The following PPM1H variants were observed in gnomAD, a reference collection of about 807,000 sequenced individuals.
PPM1H encodes the protein protein phosphatase, Mg2+/Mn2+ dependent 1H.
PPM1H carries 27 observed loss-of-function variants against 54.9 expected under a neutral mutation model. The ratio of observed to expected loss-of-function variants is 0.49; its 90% CI spans 0.36 to 0.68. The LOEUF is 0.68. Among genes scored for constraint, PPM1H ranks in the 30% least tolerant of loss-of-function variants. The probability of loss-of-function intolerance (pLI) is 0.00; values close to 1 mark genes in which losing one functional copy is unlikely to be tolerated. For synonymous variants in PPM1H, 305 were observed against 270.8 expected (o/e 1.13, Z -1.24); for missense variants, 596 against 667.8 (o/e 0.89, Z 1.19).
At chr12:62,764,851 A>G (rs755312991) in intron 4 of PPM1H, among the ~76,000 whole-genome samples, 13 of 152,176 alleles carry the variant, frequency 8.5e-5, no homozygotes, top group Non-Finnish European at 1.6e-4. Flanking sequence ...GGAGGGAGAG[A>G]AGTTCAGGTA....
At chr12:62,841,892 GT>G (rs1007496678) in intron 1 of PPM1H, among the ~76,000 whole-genome samples, 4 of 152,114 alleles carry the variant, frequency 2.6e-5, no homozygotes, top group African/African-American at 9.7e-5. Context: ...CTTCATATTG[GT>G]TGTTTAGAAA....
chr12:62,663,632 A>G (rs936438530), intron 9 of PPM1H, among the ~76,000 whole-genome samples: 1 of 152,198 alleles, frequency 6.6e-6, no homozygotes, highest in African/African-American at 2.4e-5. Flanking sequence ...TATGGTTATA[A>G]TTGTACTGAT....
In PPM1H at chr12:62,647,069, C is replaced by T. The variant is rs773867041; in HGVS notation, c.*1420G>A. On this transcript the variant is annotated 3_prime_UTR_variant, in exon 10 of 10. Coordinates refer to ENST00000228705, the MANE Select transcript of PPM1H (RefSeq NM_020700.2). ...GAAGAAGACTAGGTAATTTTGTGGC[C>T]GTACAAGTCTGCCTAAGAGACAGAA... 3.9e-5 allele frequency: 6 copies of T among 152,084 alleles called. No individual in the cohort carries two copies. The highest frequency in any genetic ancestry group is 2.1e-4 in the South Asian group (1 of 4,822). The allele number at this position is 152,084 out of a possible 1,614,324, so 9.4% of individuals were successfully genotyped here. A position where few individuals can be genotyped will look rare whatever the true frequency, so the allele number is the denominator to read the frequency against.
At chr12:62,924,039 T>C (rs1161826036) in intron 1 of PPM1H, among the ~76,000 whole-genome samples, 2 of 152,252 alleles carry the variant, frequency 1.3e-5, no homozygotes, top group African/African-American at 2.4e-5. Flanking sequence ...ACACTGGTGA[T>C]GGTAGATGAC....
In PPM1H at chr12:62,934,554, G is replaced by A. The variant is rs1399184619; in HGVS notation, c.183C>T (p.Ile61=). The part of the protein sequence containing the change: ...QDEVECSADH[I]ARPILILKET... The stretch of plus-strand genomic sequence containing the variant: ...CCTTGAGGATGAGGATGGGGCGGGC[G>A]ATGTGGTCGGCGCTGCACTCCACCT... The change falls in exon 1 of 10, where the codon ATC becomes ATT. Residue 61 remains isoleucine (I), a synonymous_variant. Coordinates refer to ENST00000228705, the MANE Select transcript of PPM1H (RefSeq NM_020700.2). This position sits in a 1 kb window ranked among gnomAD's most constrained non-coding sequence, Gnocchi z 4.2. The A allele has an allele frequency of 6.4e-7, 1 of 1,553,072 alleles. No individual in the cohort carries two copies. Among genetic ancestry groups the A allele is most frequent in the Admixed American group, 2.0e-5 (1 of 51,264 alleles).
At chr12:62,756,659 A>G (rs1366283844) in intron 4 of PPM1H, among the ~76,000 whole-genome samples, 1 of 152,030 alleles carries the variant, frequency 6.6e-6, no homozygotes, top group Non-Finnish European at 1.5e-5. Context: ...GTGGTCCTGA[A>G]AAGGTGAAGA....
chr12:62,770,650 C>G (rs1472255933), intron 4 of PPM1H, among the ~76,000 whole-genome samples: 2 of 151,892 alleles, frequency 1.3e-5, no homozygotes, highest in Non-Finnish European at 2.9e-5. Flanking sequence ...CCTGCCAGCT[C>G]AGAATCACAA....
At chr12:62,685,195 CACA>C (rs559612196) in intron 8 of PPM1H, among the ~76,000 whole-genome samples, 16 of 152,184 alleles carry the variant, frequency 1.1e-4, no homozygotes, top group Non-Finnish European at 1.8e-4. Context: ...GGTTTGCACA[CACA>C]ACAAAGGCCA....
At chr12:62,699,827 G>A (rs941230306) in intron 6 of PPM1H, among the ~76,000 whole-genome samples, 1 of 152,134 alleles carries the variant, frequency 6.6e-6, no homozygotes, top group East Asian at 1.9e-4. Flanking sequence ...TATGCATACA[G>A]TATTCACCCA....
intron 1 of PPM1H, among the ~76,000 whole-genome samples, chr12:62,855,667 A>G (rs1869357913): frequency 6.6e-6 from 1 of 152,168 alleles, no homozygotes. Context: ...AGACTTTTTC[A>G]TCTAAAGCAC....
intron 5 of PPM1H, among the ~76,000 whole-genome samples, chr12:62,732,794 C>G (rs2076330100): frequency 6.6e-6 from 1 of 151,736 alleles, no homozygotes; most frequent in African/African-American, 2.4e-5. Context: ...GGATGGGGAC[C>G]CAGAAGTTTT....
At chr12:62,810,678 G>A (rs958313399) in intron 2 of PPM1H, among the ~76,000 whole-genome samples, 1 of 152,192 alleles carries the variant, frequency 6.6e-6, no homozygotes, top group Non-Finnish European at 1.5e-5. Flanking sequence ...ATTCTCAAAT[G>A]AGTTAAAACA....
chr12:62,847,959 G>C (rs1297001339), intron 1 of PPM1H, among the ~76,000 whole-genome samples: 1 of 152,114 alleles, frequency 6.6e-6, no homozygotes. Flanking sequence ...TTTTAATCTA[G>C]AGATTAAAAT....
At chr12:62,770,391 A>G (rs1306945213) in intron 4 of PPM1H, among the ~76,000 whole-genome samples, 1 of 152,184 alleles carries the variant, frequency 6.6e-6, no homozygotes, top group Non-Finnish European at 1.5e-5. Flanking sequence ...AAGTCACAGA[A>G]GCCAGGACCT....
chr12:62,869,241 A>G (rs749750960), intron 1 of PPM1H, among the ~76,000 whole-genome samples: 8 of 152,178 alleles, frequency 5.3e-5, no homozygotes, highest in Non-Finnish European at 7.4e-5. Context: ...TCATTTATTT[A>G]TGTATTACAA....
chr12:62,838,952 GAATA>G (rs1868615848), intron 1 of PPM1H, among the ~76,000 whole-genome samples: 1 of 88,714 alleles, frequency 1.1e-5, no homozygotes, highest in Non-Finnish European at 2.4e-5. Context: ...AAAAAAAAAA[GAATA>G]ATAGCTTCTC....
chr12:62,761,610 C>T (rs2076509752), intron 4 of PPM1H, among the ~76,000 whole-genome samples: 1 of 152,162 alleles, frequency 6.6e-6, no homozygotes, highest in South Asian at 2.1e-4. Context: ...CTGTTTAGTG[C>T]TTCTCATTGC....
At chr12:62,913,793 C>A (rs1350742372) in intron 1 of PPM1H, among the ~76,000 whole-genome samples, 5 of 152,070 alleles carry the variant, frequency 3.3e-5, no homozygotes, top group Non-Finnish European at 7.4e-5. Context: ...CTCCGCCTCC[C>A]GGGTTCAAGC....
chr12:62,868,392 G>A (rs773707549), intron 1 of PPM1H, among the ~76,000 whole-genome samples: 9 of 152,136 alleles, frequency 5.9e-5, no homozygotes, highest in African/African-American at 2.2e-4. Flanking sequence ...CTGCCTCGGC[G>A]ACTCAGGCAG....
Sources: allele counts gnomAD v4.1 joint callset (sites outside exome capture counted in the v4.1 genomes callset), GRCh38; gene constraint gnomAD v4.1.1; non-coding constraint Gnocchi (gnomAD v3.1); transcripts MANE v1.5; gene names NCBI Gene and HGNC (gene_info 2026-07-23, HGNC 2026-07-21).